ERC1: variants seen among roughly 807,000 people sequenced by gnomAD.
ERC1 encodes ELKS/RAB6-interacting/CAST family member 1.
In ERC1, 56 loss-of-function variants were observed where a neutral mutation model predicts 132.0. That is an observed-to-expected ratio of 0.42 (90% CI 0.34 to 0.53). The LOEUF (loss-of-function observed/expected upper bound fraction) is 0.53. Ranked by LOEUF, ERC1 falls within the 20% of genes least tolerant of loss-of-function variation. ERC1 has a pLI of 0.03. For synonymous variants in ERC1, 478 were observed against 476.1 expected (o/e 1.00, Z -0.05); for missense variants, 1,202 against 1,349.9 (o/e 0.89, Z 1.72).
intron 17 of ERC1, among the ~76,000 whole-genome samples, chr12:1,409,556 T>C (rs2091720757): frequency 6.6e-6 from 1 of 152,172 alleles, no homozygotes; most frequent in Non-Finnish European, 1.5e-5. Flanking sequence ...AGAAGTATAA[T>C]GACAAACTAC....
chr12:1,081,539 G>C (rs1016657602), intron 2 of ERC1, among the ~76,000 whole-genome samples: 1 of 152,116 alleles, frequency 6.6e-6, no homozygotes, highest in African/African-American at 2.4e-5. Context: ...GGATTGCTTT[G>C]AATGCCAGCT....
chr12:1,367,557 G>T (rs1316421503), intron 15 of ERC1, among the ~76,000 whole-genome samples: 1 of 152,098 alleles, frequency 6.6e-6, no homozygotes, highest in African/African-American at 2.4e-5. Context: ...TTATTTACTA[G>T]CAATAGAAGT....
At chr12:1,094,575 C>G (rs1943764939) in intron 3 of ERC1, among the ~76,000 whole-genome samples, 1 of 151,916 alleles carries the variant, frequency 6.6e-6, no homozygotes, top group Admixed American at 6.6e-5. Context: ...CACACCTGGG[C>G]TAATTTTGTA....
chr12:1,375,919 G>A (rs933708553), intron 16 of ERC1, among the ~76,000 whole-genome samples: 1 of 151,804 alleles, frequency 6.6e-6, no homozygotes, highest in Non-Finnish European at 1.5e-5. Flanking sequence ...TGTATTTTTA[G>A]TAGAGACGGG....
chr12:1,180,487 T>C, intron 8 of ERC1, 53 bp from the exon 9 acceptor site: 1 of 1,546,622 alleles, frequency 6.5e-7, no homozygotes, highest in African/African-American at 1.4e-5. Flanking sequence ...GATTGTGCTA[T>C]TGTTTTTTTA....
chr12:1,042,121 T>G (rs995995926), intron 2 of ERC1, among the ~76,000 whole-genome samples: 4 of 152,040 alleles, frequency 2.6e-5, no homozygotes, highest in Admixed American at 6.6e-5. Flanking sequence ...CATTGCACGC[T>G]CCGCTTCCCA....
At chr12:1,068,473 C>A (rs79916546) in intron 2 of ERC1, among the ~76,000 whole-genome samples, 1,588 of 126,926 alleles carry the variant, frequency 0.013, no homozygotes, top group Non-Finnish European at 0.015. Context: ...ATTACTTTTC[C>A]CTTTAGGAAT....
intron 13 of ERC1, among the ~76,000 whole-genome samples, chr12:1,259,604 A>G (rs758785788): frequency 7.0e-6 from 1 of 143,688 alleles, no homozygotes; most frequent in Admixed American, 7.1e-5. Context: ...GCTCACTGCA[A>G]CCTCCACCTC....
chr12:1,213,073 C>T (rs1428413272), intron 12 of ERC1, among the ~76,000 whole-genome samples: 1 of 152,144 alleles, frequency 6.6e-6, no homozygotes, highest in African/African-American at 2.4e-5. Flanking sequence ...CCCGATTCTG[C>T]CCTTTGTGAG....
intron 8 of ERC1, among the ~76,000 whole-genome samples, chr12:1,144,640 AT>A (rs1950177387): frequency 1.3e-5 from 2 of 149,562 alleles, no homozygotes. Context: ...ATATACGTGT[AT>A]ATATATACGT....
At position 1,494,538 on chromosome 12, in the gene ERC1, CTTTT is replaced by C. The variant is rs1592404118; in HGVS notation, c.*4310_*4313del. 8 of 231,130 alleles carry C rather than the reference CTTTT, an allele frequency of 3.5e-5. No individual in the cohort carries two copies. In the East Asian group the frequency reaches 4.9e-4, roughly 14 times the overall value. 14.3% of individuals were successfully genotyped at this position (231,130 alleles called of 1,614,324 possible). A position where few individuals can be genotyped will look rare whatever the true frequency, so the allele number is the denominator to read the frequency against. ...CTCTTCAGCAAAAACCGTCTCCAGA[CTTTT>C]TAGTGTCAAAAATGTAACCAACTGT... On this transcript the variant is annotated 3_prime_UTR_variant, in exon 19 of 19. Transcript: ENST00000360905.
chr12:1,001,257 T>C (rs1962205547), intron 1 of ERC1, among the ~76,000 whole-genome samples: 1 of 152,150 alleles, frequency 6.6e-6, no homozygotes, highest in Admixed American at 6.5e-5. Context: ...TGAGTTTTGG[T>C]TTTTTGTCTA....
chr12:1,457,923 T>TA (rs1460140200), intron 18 of ERC1, among the ~76,000 whole-genome samples: 1 of 152,014 alleles, frequency 6.6e-6, no homozygotes, highest in Admixed American at 6.6e-5. Flanking sequence ...AAAAAAAAGT[T>TA]AGTCAATCTG....
At chr12:1,252,558 A>T (rs533481581) in intron 13 of ERC1, among the ~76,000 whole-genome samples, 1 of 152,290 alleles carries the variant, frequency 6.6e-6, no homozygotes, top group Admixed American at 6.5e-5. Context: ...TTATTGATAT[A>T]AAGCATCATT....
chr12:1,185,028 A>G (rs1954917715), intron 11 of ERC1, among the ~76,000 whole-genome samples: 1 of 152,174 alleles, frequency 6.6e-6, no homozygotes, highest in Admixed American at 6.5e-5. Context: ...CTCCTGCCTC[A>G]GCCTCCAGAG....
intron 15 of ERC1, among the ~76,000 whole-genome samples, chr12:1,356,219 T>A (rs1436868549): frequency 6.1e-5 from 7 of 114,754 alleles, no homozygotes; most frequent in Non-Finnish European, 1.2e-4. Flanking sequence ...AAAAAGTGTG[T>A]GTGTGTGTGT....
rs919292085 is a variant in ERC1, at chr12:1,361,129, A to C, written c.2781-10704A>C. Among the ~76,000 whole-genome samples the C allele has an allele frequency of 1.1e-4, 16 of 149,696 alleles. 1 individual carries two copies. The highest frequency in any genetic ancestry group is 3.9e-4 in the African/African-American group (16 of 40,832). Reference sequence around the variant, plus strand: ...AAAAAAAAAAAAAAGGTGGGCATGGAAGATGAATGGAAGATACTCAAAGAT... The same window carrying C: ...AAAAAAAAAAAAAAGGTGGGCATGGCAGATGAATGGAAGATACTCAAAGAT... On this transcript the variant is annotated intron_variant, in intron 15 of 18. Coordinates refer to ENST00000360905, the MANE Select transcript of ERC1 (RefSeq NM_178040.4).
intron 17 of ERC1, among the ~76,000 whole-genome samples, chr12:1,413,554 A>G (rs1053590536): frequency 6.6e-6 from 1 of 152,168 alleles, no homozygotes; most frequent in East Asian, 1.9e-4. Context: ...AGATCGCACC[A>G]CTGCACTGCA....
At chr12:1,129,897 A>G (rs914495653) in intron 7 of ERC1, among the ~76,000 whole-genome samples, 1 of 152,176 alleles carries the variant, frequency 6.6e-6, no homozygotes, top group Non-Finnish European at 1.5e-5. Flanking sequence ...TAATATCAAT[A>G]TAATAGTATG....
Sources: allele counts gnomAD v4.1 joint callset (sites outside exome capture counted in the v4.1 genomes callset), GRCh38; gene constraint gnomAD v4.1.1; transcripts MANE v1.5; gene names NCBI Gene and HGNC (gene_info 2026-07-23, HGNC 2026-07-21).